Variants in DNAH11 observed in about 807,000 individuals in gnomAD.
DNAH11 encodes the protein dynein axonemal heavy chain 11, also known as axonemal beta dynein heavy chain 11.
Under a neutral mutation model 526.0 loss-of-function variants are expected in DNAH11, and 442 were observed. The ratio of observed to expected loss-of-function variants is 0.84; its 90% CI spans 0.78 to 0.91. DNAH11 has a LOEUF of 0.91. DNAH11 is among the 40% of genes least tolerant of loss of function. The pLI, the probability that DNAH11 is intolerant of heterozygous loss-of-function variation, is 0.00. For missense variants in DNAH11, 6,989 were observed against 5,448.7 expected (o/e 1.28, Z -8.90); for synonymous variants, 2,461 against 1,935.9 (o/e 1.27, Z -7.12).
rs774110249 is a variant in DNAH11, at chr7:21,591,438, G to C, written c.2528G>C (p.Gly843Ala). Residue 843 changes from glycine to alanine, a missense_variant, in exon 14 of 82, where the codon GGC becomes GCC. By Grantham distance (60) the Gly-to-Ala change is moderately conservative. Coordinates refer to ENST00000409508, the MANE Select transcript of DNAH11 (RefSeq NM_001277115.2). Reference sequence around the variant, plus strand: ...AAGGTGATCCAGCAGACCATGAGGGGCTGGGCCAGGTGCGTGCTACCTCCC... The same window carrying C: ...AAGGTGATCCAGCAGACCATGAGGGCCTGGGCCAGGTGCGTGCTACCTCCC... Reference protein sequence around the residue: ...NVKVIQQTMRGWARCVLPPRR... With the variant: ...NVKVIQQTMRAWARCVLPPRR... 3 of 1,613,956 alleles carry C rather than the reference G, an allele frequency of 1.9e-6. No homozygotes were observed. The highest frequency in any genetic ancestry group is 2.5e-6 in the Non-Finnish European group (3 of 1,179,874).
chr7:21,754,006 A>G (rs1786521258), intron 54 of DNAH11, among the ~76,000 whole-genome samples: 2 of 152,164 alleles, frequency 1.3e-5, no homozygotes, highest in African/African-American at 4.8e-5. Flanking sequence ...AACTTTATAA[A>G]CAGCTACCTT....
At chr7:21,844,776 C>T (rs1276754620) in intron 66 of DNAH11, among the ~76,000 whole-genome samples, 1 of 152,202 alleles carries the variant, frequency 6.6e-6, no homozygotes, top group Non-Finnish European at 1.5e-5. Context: ...AAATTCTGGT[C>T]CATGCTCATA....
chr7:21,871,414 C>G (rs1430455123), intron 73 of DNAH11, among the ~76,000 whole-genome samples: 1 of 152,190 alleles, frequency 6.6e-6, no homozygotes, highest in Non-Finnish European at 1.5e-5. Flanking sequence ...AGCTGCCAAG[C>G]TAGATTCCAA....
chr7:21,660,632 T>C (rs1360680219), intron 30 of DNAH11, among the ~76,000 whole-genome samples: 4 of 151,422 alleles, frequency 2.6e-5, no homozygotes, highest in Admixed American at 1.3e-4. Flanking sequence ...AGAAAAATTA[T>C]TAACATTTTG....
chr7:21,631,791 T>G (rs1323768815), intron 25 of DNAH11, among the ~76,000 whole-genome samples: 2 of 152,144 alleles, frequency 1.3e-5, no homozygotes, highest in Non-Finnish European at 1.5e-5. Context: ...CTTTTCCAGG[T>G]GCACAGTACA....
intron 30 of DNAH11, among the ~76,000 whole-genome samples, chr7:21,661,447 T>TAAAA (rs546897397): frequency 9.5e-4 from 144 of 152,190 alleles, no homozygotes; most frequent in African/African-American, 3.4e-3. Flanking sequence ...AGTTGATAGT[T>TAAAA]TTTTTTAATA....
intron 51 of DNAH11, 139 bp downstream of exon 51, chr7:21,745,202 A>T (rs914525584): frequency 7.7e-6 from 7 of 905,510 alleles, no homozygotes; most frequent in Non-Finnish European, 1.1e-5. Flanking sequence ...TTTAAAATAT[A>T]AAAGGGTCGC....
At chr7:21,808,309 C>A (rs1462430396) in intron 63 of DNAH11, among the ~76,000 whole-genome samples, 2 of 151,874 alleles carry the variant, frequency 1.3e-5, no homozygotes, top group Admixed American at 1.3e-4. Flanking sequence ...AGTTTGATAC[C>A]TGTATACAAT....
intron 54 of DNAH11, among the ~76,000 whole-genome samples, chr7:21,762,279 C>T (rs2128496966): frequency 1.3e-5 from 2 of 152,262 alleles, no homozygotes; most frequent in Admixed American, 1.3e-4. Flanking sequence ...TGAGGTTGAA[C>T]AAATATGGTT....
At chr7:21,757,989 G>A (rs1241132464) in intron 54 of DNAH11, among the ~76,000 whole-genome samples, 1 of 152,210 alleles carries the variant, frequency 6.6e-6, no homozygotes, top group Non-Finnish European at 1.5e-5. Flanking sequence ...GGAGCAGAAC[G>A]TTTGGCTTCT....
chr7:21,888,203 G>T (rs1303506288), intron 76 of DNAH11, among the ~76,000 whole-genome samples: 1 of 152,052 alleles, frequency 6.6e-6, no homozygotes, highest in Non-Finnish European at 1.5e-5. Flanking sequence ...ATTCAATCTT[G>T]AGTAATGTCT....
intron 65 of DNAH11, among the ~76,000 whole-genome samples, chr7:21,822,171 T>A (rs541814598): frequency 2.6e-4 from 39 of 152,172 alleles, no homozygotes; most frequent in East Asian, 9.6e-4. Flanking sequence ...TTATTTTTTT[T>A]AAAAAGAGTT....
At chr7:21,838,917 C>T (rs750324747) in intron 65 of DNAH11, among the ~76,000 whole-genome samples, 12 of 152,024 alleles carry the variant, frequency 7.9e-5, no homozygotes, top group South Asian at 2.1e-4. Context: ...ATGGCCAAAC[C>T]GCTTGCCAAT....
intron 23 of DNAH11, among the ~76,000 whole-genome samples, chr7:21,618,776 T>G (rs1172378005): frequency 6.6e-6 from 1 of 152,108 alleles, no homozygotes; most frequent in Non-Finnish European, 1.5e-5. Flanking sequence ...CAAATTATAA[T>G]AAATGAACAA....
intron 65 of DNAH11, among the ~76,000 whole-genome samples, chr7:21,829,548 A>G (rs2128007719): frequency 6.6e-6 from 1 of 152,232 alleles, no homozygotes; most frequent in South Asian, 2.1e-4. Context: ...TCCAAATTAA[A>G]TATGTTGCTT....
At chr7:21,757,691 G>A (rs6942457) in intron 54 of DNAH11, among the ~76,000 whole-genome samples, 29,551 of 152,062 alleles carry the variant, frequency 0.19, 3,087 homozygotes, top group African/African-American at 0.26. Context: ...AAAGTCTGGC[G>A]ACAGACAAGG....
intron 44 of DNAH11, among the ~76,000 whole-genome samples, chr7:21,725,197 C>G (rs1785050563): frequency 6.6e-6 from 1 of 152,134 alleles, no homozygotes; most frequent in African/African-American, 2.4e-5. Context: ...AGCTGGACCC[C>G]TTAGATTTGG....
intron 30 of DNAH11, among the ~76,000 whole-genome samples, chr7:21,662,279 A>G (rs1782268949): frequency 6.6e-6 from 1 of 152,166 alleles, no homozygotes. Context: ...ATTTTCTAAC[A>G]TGCAGAAAAG....
chr7:21,638,665 A>G (rs1786976407), intron 27 of DNAH11, among the ~76,000 whole-genome samples: 1 of 150,348 alleles, frequency 6.7e-6, no homozygotes, highest in African/African-American at 2.5e-5. Flanking sequence ...ACCTAAGTCT[A>G]ATTCATATTT....
Sources: allele counts gnomAD v4.1 joint callset (sites outside exome capture counted in the v4.1 genomes callset), GRCh38; gene constraint gnomAD v4.1.1; transcripts MANE v1.5; gene names NCBI Gene and HGNC (gene_info 2026-07-23, HGNC 2026-07-21).